Variants in VWA8 observed in about 807,000 individuals in gnomAD.
VWA8 encodes von Willebrand factor A domain-containing protein 8.
Under a neutral mutation model 241.5 loss-of-function variants are expected in VWA8, and 221 were observed. That is an observed-to-expected ratio of 0.91 (90% CI 0.82 to 1.02). The LOEUF is 1.02. Among genes scored for constraint, VWA8 ranks in the 50% least tolerant of loss-of-function variants. VWA8 has a pLI of 0.00. For missense variants in VWA8, 2,322 were observed against 2,328.7 expected, an observed-to-expected ratio of 1.00 and a Z score of 0.06; for synonymous variants, 852 against 827.1, an observed-to-expected ratio of 1.03 and a Z score of -0.52.
intron 9 of VWA8, among the ~76,000 whole-genome samples, chr13:41,875,708 T>G (rs1438194072): frequency 6.6e-6 from 1 of 152,104 alleles, no homozygotes; most frequent in African/African-American, 2.4e-5. Context: ...TCTTGACCAG[T>G]ACACAGTAAG....
chr13:41,909,596 T>C (rs1298678021), intron 3 of VWA8, among the ~76,000 whole-genome samples: 3 of 152,200 alleles, frequency 2.0e-5, no homozygotes, highest in African/African-American at 7.2e-5. Context: ...AAAAACCCTG[T>C]CATTACAATA....
intron 35 of VWA8, among the ~76,000 whole-genome samples, chr13:41,682,726 A>G (rs2045109368): frequency 6.6e-6 from 1 of 152,218 alleles, no homozygotes; most frequent in African/African-American, 2.4e-5. Flanking sequence ...AGCTTGGGCA[A>G]CAGAGCAAGA....
intron 2 of VWA8, chr13:41,926,619 A>ACC: frequency 1.8e-6 from 1 of 546,080 alleles, no homozygotes; most frequent in South Asian, 1.4e-5. Context: ...TATGCAGACT[A>ACC]CCACAATCTC....
At chr13:41,909,880 A>G (rs775083629) in intron 3 of VWA8, among the ~76,000 whole-genome samples, 6 of 152,212 alleles carry the variant, frequency 3.9e-5, no homozygotes, top group Admixed American at 1.3e-4. Flanking sequence ...AAACACAACT[A>G]TGAAATTATT....
chr13:41,804,033 C>G (rs1343515136), intron 17 of VWA8, among the ~76,000 whole-genome samples: 2 of 152,046 alleles, frequency 1.3e-5, no homozygotes, highest in East Asian at 3.9e-4. Context: ...TAAAACATGA[C>G]TACAAGATCT....
intron 42 of VWA8, among the ~76,000 whole-genome samples, chr13:41,586,526 C>T (rs957459793): frequency 7.3e-5 from 11 of 151,714 alleles, no homozygotes; most frequent in African/African-American, 1.5e-4. Flanking sequence ...GAATTCCTCA[C>T]GTAGAGCTTC....
chr13:41,639,751 C>T (rs910401053), intron 37 of VWA8, among the ~76,000 whole-genome samples: 1 of 152,074 alleles, frequency 6.6e-6, no homozygotes, highest in African/African-American at 2.4e-5. Context: ...GAACGATAGA[C>T]GATGGAGCCT....
intron 9 of VWA8, among the ~76,000 whole-genome samples, chr13:41,878,121 GA>G (rs1440032909): frequency 1.3e-5 from 2 of 151,806 alleles, no homozygotes; most frequent in Non-Finnish European, 2.9e-5. Flanking sequence ...TAATCTAGGA[GA>G]AAAAATAATT....
At chr13:41,959,193 TATTA>T (rs1270298749) in intron 1 of VWA8, among the ~76,000 whole-genome samples, 3 of 152,198 alleles carry the variant, frequency 2.0e-5, no homozygotes, top group African/African-American at 2.4e-5. Flanking sequence ...CCACAGATTA[TATTA>T]ATTAATAAAT....
At chr13:41,863,455 T>A (rs200738616) in intron 12 of VWA8, among the ~76,000 whole-genome samples, 10,093 of 86,922 alleles carry the variant, frequency 0.12, 976 homozygotes, top group African/African-American at 0.2. Flanking sequence ...ATATATATAT[T>A]CACACACACA....
intron 22 of VWA8, among the ~76,000 whole-genome samples, 168 bp from the exon 23 acceptor site, chr13:41,729,845 C>G (rs536373850): frequency 6.0e-5 from 8 of 132,234 alleles, no homozygotes; most frequent in Non-Finnish European, 1.0e-4. Flanking sequence ...ACACACACAT[C>G]TATAGCAGAG....
chr13:41,843,779 A>G (rs2138020131), intron 12 of VWA8, among the ~76,000 whole-genome samples: 1 of 152,108 alleles, frequency 6.6e-6, no homozygotes, highest in East Asian at 1.9e-4. Context: ...ACCTCCCAAG[A>G]CTGAATTGGG....
intron 41 of VWA8, among the ~76,000 whole-genome samples, chr13:41,588,915 C>T (rs2044437107): frequency 6.6e-6 from 1 of 152,196 alleles, no homozygotes; most frequent in African/African-American, 2.4e-5. Flanking sequence ...ATTAAGAACA[C>T]TTATACATAT....
At chr13:41,776,501 C>T (rs1868601275) in intron 20 of VWA8, among the ~76,000 whole-genome samples, 1 of 152,064 alleles carries the variant, frequency 6.6e-6, no homozygotes. Context: ...ATAGGTAGGA[C>T]TTTTCAAATA....
chr13:41,806,162 A>G (rs925545225), intron 17 of VWA8, among the ~76,000 whole-genome samples: 1 of 152,104 alleles, frequency 6.6e-6, no homozygotes, highest in Non-Finnish European at 1.5e-5. Flanking sequence ...AATTAAGAAG[A>G]AAACTGAAAA....
chr13:41,872,517 C>T (rs945484688), intron 9 of VWA8, among the ~76,000 whole-genome samples: 1 of 152,116 alleles, frequency 6.6e-6, no homozygotes, highest in Non-Finnish European at 1.5e-5. Context: ...TTTCAGCTTT[C>T]TACATATGGC....
chr13:41,672,139 T>G (rs1408223235), intron 36 of VWA8, among the ~76,000 whole-genome samples: 1 of 152,180 alleles, frequency 6.6e-6, no homozygotes, highest in Non-Finnish European at 1.5e-5. Context: ...CTAATGTCAG[T>G]GCTGAAACCA....
intron 35 of VWA8, among the ~76,000 whole-genome samples, chr13:41,681,958 G>A (rs551178719): frequency 3.4e-4 from 51 of 152,232 alleles, no homozygotes; most frequent in African/African-American, 1.2e-3. Context: ...GACAAACCAC[G>A]CTGCATCTTT....
chr13:41,846,638 A>G (rs1872301357), intron 12 of VWA8, among the ~76,000 whole-genome samples: 1 of 152,252 alleles, frequency 6.6e-6, no homozygotes, highest in Non-Finnish European at 1.5e-5. Context: ...GCTGCACACA[A>G]TTAAATGACA....
Sources: gnomAD v4.1 joint callset for allele counts (sites outside exome capture counted in the v4.1 genomes callset) on GRCh38, gnomAD v4.1.1 for gene constraint, MANE v1.5 for transcripts, NCBI Gene and HGNC (gene_info 2026-07-23, HGNC 2026-07-21) for gene names.